The following MYBPC3 variants were observed in gnomAD, a reference collection of about 807,000 sequenced individuals.
The protein encoded by MYBPC3 is myosin binding protein C3, also known as myosin-binding protein C, cardiac-type.
MYBPC3 carries 108 observed loss-of-function variants against 159.3 expected under a neutral mutation model. That is an observed-to-expected ratio of 0.68 (90% confidence interval 0.58 to 0.80). MYBPC3 has a LOEUF of 0.80. MYBPC3 is among the 30% of genes least tolerant of loss of function. The pLI, the probability that MYBPC3 is intolerant of heterozygous loss-of-function variation, is 0.00. For synonymous variants in MYBPC3, 730 were observed against 702.0 expected, an observed-to-expected ratio of 1.04 and a Z score of -0.63; for missense variants, 1,631 against 1,762.1, an observed-to-expected ratio of 0.93 and a Z score of 1.33.
At chr11:47,348,002 G>A in intron 6 of MYBPC3, 97 bp from the exon 7 acceptor site, 1 of 1,186,238 alleles carries the variant, frequency 8.4e-7, no homozygotes. Context: ...TCACAGACTT[G>A]CCCATTCATG....
In MYBPC3 at chr11:47,337,758, T is replaced by C. The variant is rs776351251; in HGVS notation, c.2345A>G (p.Asn782Ser). 5.1e-6 allele frequency: 8 copies of C among 1,554,812 alleles called. No homozygotes were observed. The highest frequency in any genetic ancestry group is 1.7e-4 in the Middle Eastern group (1 of 6,018). ...PDAPAAPKIS[N>S]VGEDSCTVQW... The stretch of plus-strand genomic sequence containing the variant: ...TACTGTGCAGGAGTCCTCTCCCACG[T>C]TGCTGATCTTGGGGGCCGCAGGTGC... Residue 782 changes from asparagine to serine, a missense_variant, in exon 24 of 35, where the codon AAC becomes AGC. Transcript: ENST00000545968.
At chr11:47,335,394 C>T (rs1436985679) in intron 26 of MYBPC3, among the ~76,000 whole-genome samples, 185 bp from the exon 27 acceptor site, 3 of 152,244 alleles carry the variant, frequency 2.0e-5, no homozygotes, top group Admixed American at 6.5e-5. Flanking sequence ...ATGGCATGAT[C>T]TTGGCTCACC....
In MYBPC3 at chr11:47,338,475, G is replaced by C. The variant is rs2095884797; in HGVS notation, c.2308+45C>G. On this transcript the variant is annotated intron_variant, in intron 23 of 34. Transcript: ENST00000545968. This position sits in a 1 kb window ranked among gnomAD's most constrained non-coding sequence, Gnocchi z 4.7. The stretch of plus-strand genomic sequence containing the variant: ...GAGCGAACGGATGGGCCCTCCTTGG[G>C]GCTGCCCCTCTGTGTTCTCCAGCTT... The C allele has an allele frequency of 6.2e-7, 1 of 1,612,694 alleles. No homozygotes were observed. The highest frequency in any genetic ancestry group is 1.3e-5 in the African/African-American group (1 of 75,044).
intron 5 of MYBPC3, among the ~76,000 whole-genome samples, chr11:47,349,151 G>A (rs1376971183): frequency 6.6e-6 from 1 of 151,532 alleles, no homozygotes; most frequent in Non-Finnish European, 1.5e-5. Flanking sequence ...CCTAGCCCAG[G>A]ACTGGGGAAG....
rs999833111 is a variant in MYBPC3 at position 47,351,290 on chromosome 11, C to G, written c.241G>C (p.Val81Leu). The change falls in exon 2 of 35, where the codon GTC becomes CTC. Residue 81 changes from valine to leucine, a missense_variant. Val to Leu is a conservative substitution (Grantham distance 32, BLOSUM62 1). Coordinates refer to ENST00000545968, the MANE Select transcript of MYBPC3 (RefSeq NM_000256.3). The surrounding 1 kb of genome is among the most constrained non-coding windows in gnomAD (Gnocchi z 4.2). Reference protein sequence around the residue: ...VGPADQGSYAVIAGSSKVKFD... With the variant: ...VGPADQGSYALIAGSSKVKFD... ...TTGACCTTGGAGGAGCCAGCAATGA[C>G]TGCGTAAGATCCCTGGTCGGCAGGG... 1.9e-6 allele frequency: 3 copies of G among 1,567,108 alleles called. No individual in the cohort carries two copies. The highest frequency in any genetic ancestry group is 2.3e-5 in the South Asian group (2 of 85,726).
In MYBPC3 at chr11:47,332,105, C is replaced by G. The variant is rs730880141; in HGVS notation, c.3781G>C (p.Glu1261Gln). ...TCCAGGCGGCACTCACACCGTGCCT[C>G]GCCCTGTAAGTTGGTGGCCCTGCAG... The part of the protein sequence containing the change: ...YVCRATNLQG[E>Q]ARCECRLEVR... The change falls in exon 33 of 35, where the codon GAG becomes CAG. Residue 1261 changes from glutamate to glutamine, a missense_variant. Transcript: ENST00000545968. This position sits in a 1 kb window ranked among gnomAD's most constrained non-coding sequence, Gnocchi z 4.2. 17 of 1,613,258 alleles carry G rather than the reference C, an allele frequency of 1.1e-5. No individual in the cohort carries two copies. The highest frequency in any genetic ancestry group is 1.4e-5 in the Non-Finnish European group (17 of 1,179,644).
rs753544873 is a variant in MYBPC3 at position 47,331,897 on chromosome 11, C to G, written c.3815-16G>C. ...CACTGAGGCACTGCAGAAGAGGAGGCCATGTCACTGTGTCCTCCCAGCCTT... is the reference window on the plus strand; with the variant it reads ...CACTGAGGCACTGCAGAAGAGGAGGGCATGTCACTGTGTCCTCCCAGCCTT... On this transcript the variant is annotated splice_polypyrimidine_tract_variant and intron_variant, in intron 33 of 34. Coordinates refer to ENST00000545968, the MANE Select transcript of MYBPC3 (RefSeq NM_000256.3). 2.5e-6 allele frequency: 4 copies of G among 1,609,756 alleles called. No individual in the cohort carries two copies. In the South Asian group the frequency reaches 4.4e-5, roughly 18 times the overall value.
chr11:47,333,525 C>T lies in MYBPC3; in HGVS notation c.3190+32G>A, dbSNP rs769016650. 58 of 1,598,288 alleles carry T rather than the reference C, an allele frequency of 3.6e-5. 1 individual carries two copies. The Admixed American group carries it at 8.0e-4, about 22-fold the overall frequency. ...AGCAGCCCAGCCCAGGGAAGGGAAA[C>T]AAGGGGGCTCAAGGAGGCCTTGGCC... is the stretch of plus-strand genomic sequence containing the variant. On this transcript the variant is annotated intron_variant, in intron 29 of 34. Coordinates refer to ENST00000545968, the MANE Select transcript of MYBPC3 (RefSeq NM_000256.3).
At chr11:47,348,908 T>TTATATATACATACATATATATATATATA (rs1555123224) in intron 5 of MYBPC3, among the ~76,000 whole-genome samples, 6 of 39,882 alleles carry the variant, frequency 1.5e-4, no homozygotes, top group African/African-American at 4.6e-4. Flanking sequence ...CTGTCTCAAA[T>TTATATATACATACATATATATATATATA]TATATATATA....
At chr11:47,340,917 C>T (rs2697924) in intron 20 of MYBPC3, 86 bp downstream of exon 20, 1 of 1,398,296 alleles carries the variant, frequency 7.2e-7, no homozygotes, top group Non-Finnish European at 9.5e-7. Context: ...GATCCTTGCT[C>T]TTCCCTCTGT....
At chr11:47,334,777 G>A (rs1357582647) in intron 27 of MYBPC3, among the ~76,000 whole-genome samples, 1 of 152,170 alleles carries the variant, frequency 6.6e-6, no homozygotes, top group Non-Finnish European at 1.5e-5. Context: ...TGGCCAGGCT[G>A]GTCTCAAACT....
At position 47,342,097 on chromosome 11, in the gene MYBPC3, C is replaced by T. The variant is rs397515919; in HGVS notation, c.1684G>A (p.Ala562Thr). The change falls in exon 18 of 35, where the codon GCG becomes ACG. Residue 562 changes from alanine (A) to threonine (T), a missense_variant. Ala to Thr is a moderately conservative substitution (Grantham distance 58). Transcript: ENST00000545968. ...ADLMVGAKDQ[A>T]VFKCEVSDEN... The stretch of plus-strand genomic sequence containing the variant: ...TCTGAGACCTCACATTTGAACACCG[C>T]CTGGTCCTTTGCGCCCACCATCAGG... The T allele has an allele frequency of 6.2e-7, 1 of 1,614,016 alleles. No individual in the cohort carries two copies. Among genetic ancestry groups the T allele is most frequent in the Non-Finnish European group, 8.5e-7 (1 of 1,179,892 alleles).
At chr11:47,334,390 G>A (rs2095880286) in intron 27 of MYBPC3, among the ~76,000 whole-genome samples, 1 of 152,114 alleles carries the variant, frequency 6.6e-6, no homozygotes, top group African/African-American at 2.4e-5. Flanking sequence ...ACCCTTTGTT[G>A]GGACAAGGAA....
chr11:47,334,608 T>C (rs540965423), intron 27 of MYBPC3, among the ~76,000 whole-genome samples: 1 of 152,026 alleles, frequency 6.6e-6, no homozygotes, highest in Admixed American at 6.6e-5. Context: ...TCACCCAGAC[T>C]GGAGTGCAAT....
intron 9 of MYBPC3, 47 bp downstream of exon 9, chr11:47,347,379 G>GT (rs2095895326): frequency 6.4e-7 from 1 of 1,557,942 alleles, no homozygotes; most frequent in African/African-American, 1.4e-5. Flanking sequence ...CTGGGATTTG[G>GT]AGCCAGGCCT....
intron 9 of MYBPC3, 83 bp downstream of exon 9, chr11:47,347,343 G>T: frequency 6.4e-7 from 1 of 1,550,404 alleles, no homozygotes; most frequent in Non-Finnish European, 8.7e-7. Context: ...TTGTGCTCAG[G>T]GTCACACAGC....
At chr11:47,333,067 T>C (rs538958760) in intron 30 of MYBPC3, 94 bp from the exon 31 acceptor site, 2 of 1,524,826 alleles carry the variant, frequency 1.3e-6, no homozygotes, top group Non-Finnish European at 1.8e-6. Context: ...CCACCCCTAC[T>C]ATGGAGGGAT....
chr11:47,341,202 C>CT lies in MYBPC3; in HGVS notation c.1832dup (p.Ala612GlyfsTer2). On this transcript the variant is annotated frameshift_variant, in exon 19 of 35. Transcript: ENST00000545968. LOFTEE classifies it high-confidence loss of function. ...CCTCGGGCACAAAGCTGTAGTCAGC[C>CT]TCGTCGGCAGGTGTGACGTCGTCAA... 1.3e-6 allele frequency: 2 copies of CT among 1,596,304 alleles called. No homozygotes were observed. The highest frequency in any genetic ancestry group is 1.7e-5 in the Admixed American group (1 of 57,624).
At chr11:47,339,920 T>C in intron 20 of MYBPC3, 130 bp from the exon 21 acceptor site, 2 of 971,428 alleles carry the variant, frequency 2.1e-6, no homozygotes, top group Non-Finnish European at 3.0e-6. Flanking sequence ...GTATAGTTTA[T>C]GCTCAGATCT....
Sources: gnomAD v4.1 joint callset for allele counts (sites outside exome capture counted in the v4.1 genomes callset) on GRCh38, gnomAD v4.1.1 for gene constraint, Gnocchi (gnomAD v3.1) non-coding constraint, MANE v1.5 for transcripts, NCBI Gene and HGNC (gene_info 2026-07-23, HGNC 2026-07-21) for gene names.